The following ST7 variants were observed in gnomAD, a reference collection of about 807,000 sequenced individuals.
ST7 encodes the protein suppression of tumorigenicity 7.
A neutral mutation model predicts 78.7 loss-of-function variants in ST7; 28 were observed. That is an observed-to-expected ratio of 0.36 (90% CI 0.26 to 0.49). The LOEUF is 0.49. Ranked by LOEUF, ST7 falls within the 20% of genes least tolerant of loss-of-function variation. The probability of loss-of-function intolerance (pLI) is 0.99; values close to 1 mark genes in which losing one functional copy is unlikely to be tolerated. For missense variants in ST7, 418 were observed against 696.0 expected (o/e 0.60, Z 4.49); for synonymous variants, 247 against 249.6 (o/e 0.99, Z 0.10).
At chr7:117,059,758 C>T (rs1371515277) in intron 1 of ST7, among the ~76,000 whole-genome samples, 2 of 147,954 alleles carry the variant, frequency 1.4e-5, no homozygotes, top group Non-Finnish European at 3.0e-5. Flanking sequence ...ATCACTTGAG[C>T]CCAGGAATTC....
chr7:117,045,511 G>A (rs768758207), intron 1 of ST7, among the ~76,000 whole-genome samples: 4 of 151,982 alleles, frequency 2.6e-5, no homozygotes, highest in Non-Finnish European at 5.9e-5. Context: ...TTGAGCAAAC[G>A]GTATCTTCTC....
intron 1 of ST7, among the ~76,000 whole-genome samples, chr7:116,985,238 A>T (rs2116350052): frequency 6.6e-6 from 1 of 152,346 alleles, no homozygotes; most frequent in East Asian, 1.9e-4. Flanking sequence ...TCCTAAGTAT[A>T]AGATATTTAC....
intron 12 of ST7, among the ~76,000 whole-genome samples, chr7:117,194,936 A>C (rs1810154852): frequency 6.6e-6 from 1 of 152,162 alleles, no homozygotes; most frequent in South Asian, 2.1e-4. Context: ...GAGGAGACAC[A>C]TTTTTGTTTT....
intron 3 of ST7, among the ~76,000 whole-genome samples, chr7:117,126,141 A>G (rs966325375): frequency 6.6e-6 from 1 of 151,970 alleles, no homozygotes; most frequent in African/African-American, 2.4e-5. Context: ...TAACATTGTC[A>G]TGCTTATCCA....
In ST7 at chr7:117,033,821, C is replaced by T. The variant is rs79040552; in HGVS notation, c.152-65941C>T. Among the ~76,000 whole-genome samples the T allele has an allele frequency of 6.6e-5, 10 of 152,304 alleles. No homozygotes were observed. In the East Asian group the frequency reaches 1.5e-3, roughly 24 times the overall value. On this transcript the variant is annotated intron_variant, in intron 1 of 15. Coordinates refer to ENST00000323984, the MANE Select transcript of ST7 (RefSeq NM_001369598.1). ...GAGTCAGTCAATAGACTGAAATGCT[C>T]ATTCTACTAGCTGCACGACCTTGAG...
chr7:117,170,248 G>A (rs1193277398), intron 9 of ST7, among the ~76,000 whole-genome samples: 4 of 151,994 alleles, frequency 2.6e-5, no homozygotes, highest in Non-Finnish European at 4.4e-5. Context: ...CAACTTTTAT[G>A]AAAACCTGTC....
intron 1 of ST7, among the ~76,000 whole-genome samples, chr7:116,993,037 A>AT (rs749382814): frequency 6.6e-6 from 1 of 152,168 alleles, no homozygotes; most frequent in Non-Finnish European, 1.5e-5. Flanking sequence ...CGCTATCAGC[A>AT]TTTTGGGCAA....
intron 12 of ST7, among the ~76,000 whole-genome samples, chr7:117,205,057 G>A (rs1791616967): frequency 6.6e-6 from 1 of 152,134 alleles, no homozygotes; most frequent in African/African-American, 2.4e-5. Flanking sequence ...AACAGAGTGA[G>A]ACCCCATCCC....
chr7:117,201,612 G>A (rs1444372962), intron 12 of ST7, among the ~76,000 whole-genome samples: 1 of 151,008 alleles, frequency 6.6e-6, no homozygotes, highest in African/African-American at 2.4e-5. Context: ...AGGCTGGAAT[G>A]CAGTGGTGCT....
rs116471427 is a variant in ST7, at chr7:117,183,907, A to T, written c.1079-5414A>T. Among the ~76,000 whole-genome samples, 775 of 152,328 alleles carry T rather than the reference A, an allele frequency of 5.1e-3. 7 individuals carry two copies. Among genetic ancestry groups the T allele is most frequent in the African/African-American group, 0.018 (743 of 41,570 alleles). Reference sequence around the variant, plus strand: ...TGGTGTATCCACACAATGAAATACTACTCAGCAATGAAAAAGAATGAATGA... The same window carrying T: ...TGGTGTATCCACACAATGAAATACTTCTCAGCAATGAAAAAGAATGAATGA... On this transcript the variant is annotated intron_variant, in intron 10 of 15. Coordinates refer to ENST00000323984, the MANE Select transcript of ST7 (RefSeq NM_001369598.1).
chr7:116,964,334 G>C (rs570790959), intron 1 of ST7, among the ~76,000 whole-genome samples: 134 of 152,248 alleles, frequency 8.8e-4, no homozygotes, highest in Non-Finnish European at 1.7e-3. Flanking sequence ...CCTACAAATT[G>C]GGTTTTTTCA....
At chr7:117,207,885 C>A (rs572669742) in intron 12 of ST7, among the ~76,000 whole-genome samples, 1 of 152,114 alleles carries the variant, frequency 6.6e-6, no homozygotes, top group South Asian at 2.1e-4. Context: ...CTTCCTTATC[C>A]AACTTACTCT....
rs1308739320 is a variant in ST7 at position 117,209,769 on chromosome 7, CCTG to C, written c.1255-15_1255-13del. 1 of 1,610,124 alleles carries C rather than the reference CCTG, an allele frequency of 6.2e-7. No homozygotes were observed. The highest frequency in any genetic ancestry group is 8.5e-7 in the Non-Finnish European group (1 of 1,178,706). On this transcript the variant is annotated splice_polypyrimidine_tract_variant and intron_variant, in intron 12 of 15. Transcript: ENST00000323984. ...TACTTAGGTATTAACACAAGTGTGT[CCTG>C]CTTTTTTATTTCAGTACCTACTAGA...
At position 117,134,143 on chromosome 7, in the gene ST7, G is replaced by T; in HGVS notation, c.661G>T (p.Val221Phe). ...GGTCAGAATTAGGTCCAGAGTTGAAGTTCCCCTAATTGCTTCCTCTACCAT... is the reference window on the plus strand; with the variant it reads ...GGTCAGAATTAGGTCCAGAGTTGAATTTCCCCTAATTGCTTCCTCTACCAT... ...EINEIRSRVE[V>F]PLIASSTIWE... The change falls in exon 7 of 16, where the codon GTT becomes TTT. Residue 221 changes from valine to phenylalanine, a missense_variant. Physicochemically the swap from Val to Phe is conservative, Grantham distance 50. Transcript: ENST00000323984. The T allele has an allele frequency of 6.2e-7, 1 of 1,611,874 alleles. No homozygotes were observed. Among genetic ancestry groups the T allele is most frequent in the East Asian group, 2.2e-5 (1 of 44,806 alleles).
At chr7:117,179,027 G>A (rs974329444) in intron 10 of ST7, among the ~76,000 whole-genome samples, 2 of 151,962 alleles carry the variant, frequency 1.3e-5, no homozygotes, top group East Asian at 3.9e-4. Flanking sequence ...TTACTTTATT[G>A]TTTTTCTTCA....
intron 10 of ST7, among the ~76,000 whole-genome samples, chr7:117,185,044 G>A (rs1448869656): frequency 3.9e-5 from 6 of 152,188 alleles, no homozygotes. Context: ...CATGGAGCAG[G>A]CAGCCTAAAT....
At chr7:117,214,786 T>G (rs1563174749) in intron 13 of ST7, among the ~76,000 whole-genome samples, 3 of 152,150 alleles carry the variant, frequency 2.0e-5, no homozygotes, top group Non-Finnish European at 1.5e-5. Context: ...TGTCTCTTCT[T>G]GATTGTGCGT....
In ST7 at chr7:117,167,168, C is replaced by T. The variant is rs1378212324; in HGVS notation, c.964-3694C>T. 3.3e-5 allele frequency among the ~76,000 whole-genome samples: 5 copies of T among 151,168 alleles called. No individual in the cohort carries two copies. In the East Asian group the frequency reaches 9.8e-4, roughly 29 times the overall value. On this transcript the variant is annotated intron_variant, in intron 9 of 15. Coordinates refer to ENST00000323984, the MANE Select transcript of ST7 (RefSeq NM_001369598.1). ...CATGTGCCATGCTGGTGTGCTGCAC[C>T]CACTAACTCGTCATCTAGCATTAGG...
At chr7:117,183,001 A>G (rs1365814846) in intron 10 of ST7, among the ~76,000 whole-genome samples, 1 of 152,110 alleles carries the variant, frequency 6.6e-6, no homozygotes, top group Admixed American at 6.6e-5. Context: ...ATTTGTGGAG[A>G]GAATGGAGTG....
Sources: allele counts gnomAD v4.1 joint callset (sites outside exome capture counted in the v4.1 genomes callset), GRCh38; gene constraint gnomAD v4.1.1; transcripts MANE v1.5; gene names NCBI Gene and HGNC (gene_info 2026-07-23, HGNC 2026-07-21).